Variants in KCNJ6 observed in about 807,000 individuals in gnomAD.
KCNJ6 encodes potassium inwardly rectifying channel subfamily J member 6.
A neutral mutation model predicts 34.2 loss-of-function variants in KCNJ6; 9 were observed. The observed-to-expected ratio is 0.26, with a 90% CI of 0.16 to 0.46. The LOEUF is 0.46. KCNJ6 is among the 20% of genes least tolerant of loss of function. The probability of loss-of-function intolerance (pLI) is 1.00; values close to 1 mark genes in which losing one functional copy is unlikely to be tolerated. For missense variants in KCNJ6, 236 were observed against 531.3 expected (o/e 0.44, Z 5.46); for synonymous variants, 196 against 207.1 (o/e 0.95, Z 0.46).
chr21:37,748,199 C>G (rs1013443395), intron 2 of KCNJ6, among the ~76,000 whole-genome samples: 2 of 152,206 alleles, frequency 1.3e-5, no homozygotes, highest in African/African-American at 4.8e-5. Flanking sequence ...CAACCCTGGA[C>G]AGCAGGTGCT....
chr21:37,692,135 C>G (rs2054642706), intron 3 of KCNJ6, among the ~76,000 whole-genome samples: 2 of 152,180 alleles, frequency 1.3e-5, no homozygotes, highest in African/African-American at 2.4e-5. Context: ...ATGGGCGCAA[C>G]AAACCACCAT....
intron 1 of KCNJ6, among the ~76,000 whole-genome samples, chr21:37,855,129 GCT>G (rs1247115756): frequency 1.3e-5 from 2 of 152,184 alleles, no homozygotes; most frequent in African/African-American, 4.8e-5. Context: ...TACCGAGTAT[GCT>G]CTCTGATCAC....
At chr21:37,747,128 A>G (rs1425701441) in intron 2 of KCNJ6, among the ~76,000 whole-genome samples, 1 of 152,242 alleles carries the variant, frequency 6.6e-6, no homozygotes, top group East Asian at 1.9e-4. Flanking sequence ...GAGGCAGAGG[A>G]AAAGACGCCC....
intron 1 of KCNJ6, among the ~76,000 whole-genome samples, chr21:37,895,336 G>C (rs2123639207): frequency 6.6e-6 from 1 of 152,322 alleles, no homozygotes; most frequent in African/African-American, 2.4e-5. Context: ...GGGCTGAGTG[G>C]GGTGCAGCTA....
chr21:37,700,901 A>G (rs543517828), intron 3 of KCNJ6, among the ~76,000 whole-genome samples: 153 of 152,264 alleles, frequency 1.0e-3, no homozygotes, highest in African/African-American at 3.3e-3. Context: ...CAGCAGCCCC[A>G]TGGGAATAGC....
intron 2 of KCNJ6, among the ~76,000 whole-genome samples, chr21:37,807,567 A>G (rs912632414): frequency 1.3e-5 from 2 of 152,206 alleles, no homozygotes; most frequent in African/African-American, 4.8e-5. Flanking sequence ...AGATTTGTTT[A>G]GACACACAAA....
In KCNJ6 at chr21:37,607,482, A is replaced by ATATATATATATATAT; in HGVS notation, c.*17676_*17677insATATATATATATATA. 2.0e-3 allele frequency: 273 copies of ATATATATATATATAT among 136,718 alleles called. No individual in the cohort carries two copies. The highest frequency in any genetic ancestry group is 3.8e-3 in the African/African-American group (139 of 36,444). 8.5% of individuals were successfully genotyped at this position (136,718 alleles called of 1,614,324 possible). A position where few individuals can be genotyped will look rare whatever the true frequency, so the allele number is the denominator to read the frequency against. Reference sequence around the variant, plus strand: ...CTTAAAGATATATATATATATATATATTTTTTTTTTATTTTAAAAAAATTT... The same window carrying ATATATATATATATAT: ...CTTAAAGATATATATATATATATATATATATATATATATATTTTTTTTTTTATTTTAAAAAAATTT... On this transcript the variant is annotated 3_prime_UTR_variant, in exon 4 of 4. Coordinates refer to ENST00000609713, the MANE Select transcript of KCNJ6 (RefSeq NM_002240.5).
At chr21:37,703,321 G>A (rs2054701396) in intron 3 of KCNJ6, among the ~76,000 whole-genome samples, 1 of 151,996 alleles carries the variant, frequency 6.6e-6, no homozygotes, top group South Asian at 2.1e-4. Flanking sequence ...AAGAAAGAGG[G>A]AGAGGCCCAG....
intron 3 of KCNJ6, among the ~76,000 whole-genome samples, chr21:37,672,018 T>G (rs986150248): frequency 6.6e-6 from 1 of 152,216 alleles, no homozygotes; most frequent in African/African-American, 2.4e-5. Flanking sequence ...CTAGTTTTAC[T>G]TCTTTCCAAT....
chr21:37,763,926 A>T (rs866446542), intron 2 of KCNJ6, among the ~76,000 whole-genome samples: 2 of 152,228 alleles, frequency 1.3e-5, no homozygotes, highest in Non-Finnish European at 1.5e-5. Flanking sequence ...TGTTGTGCAC[A>T]TGTACCCTAG....
At chr21:37,797,104 C>G (rs1357282301) in intron 2 of KCNJ6, among the ~76,000 whole-genome samples, 1 of 151,698 alleles carries the variant, frequency 6.6e-6, no homozygotes, top group Non-Finnish European at 1.5e-5. Context: ...CTTTGTTGCC[C>G]AGGCTGGAGT....
chr21:37,828,374 G>A (rs374272468), intron 2 of KCNJ6, among the ~76,000 whole-genome samples: 8 of 152,102 alleles, frequency 5.3e-5, no homozygotes, highest in East Asian at 3.9e-4. Context: ...TTAATTCCCC[G>A]CAGCACTGGA....
intron 3 of KCNJ6, among the ~76,000 whole-genome samples, chr21:37,652,891 A>G (rs948331824): frequency 2.0e-5 from 3 of 152,172 alleles, no homozygotes; most frequent in African/African-American, 7.2e-5. Flanking sequence ...TGATGTTTTC[A>G]ATTTCCTGAG....
chr21:37,688,203 C>T (rs1376516896), intron 3 of KCNJ6, among the ~76,000 whole-genome samples: 2 of 152,008 alleles, frequency 1.3e-5, no homozygotes, highest in Non-Finnish European at 2.9e-5. Context: ...TGATGGGATT[C>T]CCAGCTCATC....
intron 3 of KCNJ6, among the ~76,000 whole-genome samples, chr21:37,708,356 A>G (rs761077740): frequency 9.9e-5 from 15 of 152,198 alleles, no homozygotes; most frequent in Non-Finnish European, 2.2e-4. Context: ...AGTGTCCCCA[A>G]GCTGTGGAGG....
chr21:37,790,937 A>G (rs1019693570), intron 2 of KCNJ6, among the ~76,000 whole-genome samples: 3 of 152,172 alleles, frequency 2.0e-5, no homozygotes, highest in Non-Finnish European at 4.4e-5. Flanking sequence ...TTACATTTCC[A>G]TTACTTCCCA....
intron 1 of KCNJ6, among the ~76,000 whole-genome samples, chr21:37,842,487 C>A (rs747479054): frequency 5.9e-5 from 9 of 152,234 alleles, no homozygotes; most frequent in Admixed American, 1.3e-4. Context: ...TTGATTTCCA[C>A]AGCCCTGTAT....
chr21:37,740,079 G>A (rs892772417), intron 2 of KCNJ6, among the ~76,000 whole-genome samples: 2 of 152,120 alleles, frequency 1.3e-5, no homozygotes, highest in African/African-American at 4.8e-5. Flanking sequence ...TTTAAAACGT[G>A]TGCCCAAGGA....
At chr21:37,836,883 T>G (rs2055454423) in intron 2 of KCNJ6, among the ~76,000 whole-genome samples, 1 of 152,062 alleles carries the variant, frequency 6.6e-6, no homozygotes, top group Non-Finnish European at 1.5e-5. Context: ...GAACTTAAAG[T>G]ATTATATATA....
Sources: gnomAD v4.1 joint callset for allele counts (sites outside exome capture counted in the v4.1 genomes callset) on GRCh38, gnomAD v4.1.1 for gene constraint, MANE v1.5 for transcripts, NCBI Gene and HGNC (gene_info 2026-07-23, HGNC 2026-07-21) for gene names.